SYNE1: variants seen among roughly 807,000 people sequenced by gnomAD.
SYNE1 encodes the protein nesprin-1.
Under a neutral mutation model 1,111.0 loss-of-function variants are expected in SYNE1, and 616 were observed. That is an observed-to-expected ratio of 0.55 (90% confidence interval 0.52 to 0.59). SYNE1 has a LOEUF of 0.59. SYNE1 is among the 20% of genes least tolerant of loss of function. SYNE1 has a pLI of 0.00. For missense variants in SYNE1, 10,006 were observed against 10,417.0 expected (o/e 0.96, Z 1.72); for synonymous variants, 3,855 against 3,825.8 (o/e 1.01, Z -0.28).
chr6:152,591,760 A>C (rs964409104), intron 3 of SYNE1, among the ~76,000 whole-genome samples: 1 of 152,186 alleles, frequency 6.6e-6, no homozygotes, highest in Non-Finnish European at 1.5e-5. Flanking sequence ...CAAACTGTGC[A>C]TCTGAGAAAT....
intron 131 of SYNE1, among the ~76,000 whole-genome samples, chr6:152,161,120 C>T (rs2062398754): frequency 6.7e-6 from 1 of 148,458 alleles, no homozygotes; most frequent in African/African-American, 2.5e-5. Flanking sequence ...ATAAAAGTCC[C>T]CCCAAAAAAG....
At chr6:152,212,594 TACAC>T (rs2153428567) in intron 123 of SYNE1, among the ~76,000 whole-genome samples, 1 of 152,314 alleles carries the variant, frequency 6.6e-6, no homozygotes, top group African/African-American at 2.4e-5. Context: ...ATAATGTACT[TACAC>T]AAGTTTTTGT....
intron 36 of SYNE1, 147 bp from the exon 37 acceptor site, chr6:152,428,539 TA>T (rs1216546701): frequency 1.3e-6 from 1 of 768,466 alleles, no homozygotes; most frequent in Non-Finnish European, 2.2e-6. Flanking sequence ...TACAGTTTGA[TA>T]GAAGAAATGA....
chr6:152,421,716 T>G (rs1298256927), intron 39 of SYNE1, among the ~76,000 whole-genome samples: 1 of 148,538 alleles, frequency 6.7e-6, no homozygotes, highest in Non-Finnish European at 1.5e-5. Flanking sequence ...TATTTATTTA[T>G]TTTTTGGAGA....
intron 3 of SYNE1, among the ~76,000 whole-genome samples, chr6:152,570,552 A>C (rs903980481): frequency 2.0e-5 from 3 of 152,140 alleles, no homozygotes; most frequent in Non-Finnish European, 4.4e-5. Context: ...CCAGCACTAG[A>C]GGCTGGACTT....
intron 3 of SYNE1, among the ~76,000 whole-genome samples, chr6:152,599,332 C>T (rs938694604): frequency 3.8e-4 from 58 of 152,208 alleles, no homozygotes; most frequent in African/African-American, 1.2e-3. Flanking sequence ...ATCTACTTAT[C>T]TGATGGCATT....
intron 12 of SYNE1, among the ~76,000 whole-genome samples, chr6:152,486,212 A>T (rs1361861674): frequency 1.0e-5 from 1 of 97,494 alleles, no homozygotes; most frequent in East Asian, 3.8e-4. Flanking sequence ...AAAAATATTA[A>T]AAAAAACAAC....
intron 91 of SYNE1, among the ~76,000 whole-genome samples, chr6:152,308,164 T>G (rs987515480): frequency 1.3e-5 from 2 of 152,078 alleles, no homozygotes; most frequent in African/African-American, 2.4e-5. Context: ...TTGCTGTTTC[T>G]CGTAGGCATT....
At chr6:152,348,422 C>T (rs1039766930) in intron 72 of SYNE1, among the ~76,000 whole-genome samples, 7 of 152,274 alleles carry the variant, frequency 4.6e-5, no homozygotes, top group South Asian at 2.1e-4. Flanking sequence ...CGGTGGCTCA[C>T]GCCTGTAATC....
At chr6:152,224,457 A>C in intron 117 of SYNE1, 37 bp downstream of exon 117, 1 of 1,598,464 alleles carries the variant, frequency 6.3e-7, no homozygotes, top group Non-Finnish European at 8.6e-7. Context: ...TCTAAAATTA[A>C]AATGAACGTT....
intron 45 of SYNE1, 54 bp from the exon 46 acceptor site, chr6:152,404,368 G>A: frequency 1.5e-6 from 2 of 1,351,398 alleles, no homozygotes; most frequent in Non-Finnish European, 2.1e-6. Flanking sequence ...GCTATATTTG[G>A]CATTTAATAA....
chr6:152,556,281 A>G (rs2099364774), intron 3 of SYNE1, among the ~76,000 whole-genome samples: 2 of 152,132 alleles, frequency 1.3e-5, no homozygotes, highest in South Asian at 4.1e-4. Flanking sequence ...TTACCCACCC[A>G]TATCACCCCC....
intron 122 of SYNE1, 67 bp downstream of exon 122, chr6:152,214,839 T>G: frequency 6.3e-7 from 1 of 1,588,052 alleles, no homozygotes; most frequent in Non-Finnish European, 8.6e-7. Flanking sequence ...TCTGTAGTAT[T>G]TTGACATAGC....
Position 152,387,154 on chromosome 6 carries a change from T to C in SYNE1, c.8405A>G (p.Glu2802Gly). The change falls in exon 54 of 146, where the codon GAA becomes GGA. Residue 2802 changes from glutamate to glycine, a missense_variant. This residue lies in a region of SYNE1 where 4,955 missense variants were observed against 5,017.2 expected (regional missense o/e 0.99). Coordinates refer to ENST00000367255, the MANE Select transcript of SYNE1 (RefSeq NM_182961.4). ...CTTGAAAGACTCATCCTCTGTCTTT[T>C]CGTAGAGCTCCCTGGACTTCGCAAT... ...RLIAKSRELY[E>G]KTEDESFKDT... The C allele has an allele frequency of 6.2e-7, 1 of 1,614,202 alleles. No individual in the cohort carries two copies. Among genetic ancestry groups the C allele is most frequent in the South Asian group, 1.1e-5 (1 of 91,084 alleles).
At chr6:152,136,961 CCACTGAG>C (rs2057231216) in intron 140 of SYNE1, 143 bp from the exon 141 acceptor site, 1 of 798,096 alleles carries the variant, frequency 1.3e-6, no homozygotes, top group African/African-American at 1.7e-5. Context: ...AGGGTGCGTA[CCACTGAG>C]AACTGTATGG....
Position 152,358,384 on chromosome 6 carries a change from G to C in SYNE1, c.10597C>G (p.Arg3533Gly). 6.2e-7 allele frequency: 1 copy of C among 1,614,086 alleles called. No individual in the cohort carries two copies. The highest frequency in any genetic ancestry group is 8.5e-7 in the Non-Finnish European group (1 of 1,179,994). Residue 3533 changes from arginine to glycine, a missense_variant, in exon 66 of 146, where the codon CGT (arginine) becomes GGT (glycine). By Grantham distance (125) the Arg-to-Gly change is moderately radical. Transcript: ENST00000367255. ...AAAGGAGGCCTTACCTGAAGATCAC[G>C]CAATGTTGTCTCATGAGTGTGGGCA... ...GDAHTHETTL[R>G]DLQELQVHCA... is the part of the protein sequence containing the mutation.
intron 3 of SYNE1, among the ~76,000 whole-genome samples, chr6:152,591,123 T>C (rs2099560895): frequency 6.6e-6 from 1 of 152,230 alleles, no homozygotes; most frequent in Non-Finnish European, 1.5e-5. Context: ...GGTGCATTCC[T>C]GGGTATTTCA....
chr6:152,180,623 G>T (rs1259453254), intron 128 of SYNE1, among the ~76,000 whole-genome samples: 2 of 150,466 alleles, frequency 1.3e-5, no homozygotes, highest in Non-Finnish European at 3.0e-5. Context: ...AGAAAGGAAA[G>T]AAGGGAAGTA....
At chr6:152,609,100 C>A (rs1727060) in intron 3 of SYNE1, among the ~76,000 whole-genome samples, 108,515 of 151,628 alleles carry the variant, frequency 0.72, 38,924 homozygotes, top group East Asian at 0.8. Context: ...TACCTGGTTC[C>A]TCTCATTGGG....
Sources: gnomAD v4.1 joint callset for allele counts (sites outside exome capture counted in the v4.1 genomes callset) on GRCh38, gnomAD v4.1.1 for gene constraint, gnomAD v4.1.1 regional missense constraint, MANE v1.5 for transcripts, NCBI Gene and HGNC (gene_info 2026-07-23, HGNC 2026-07-21) for gene names.